The following LOXHD1 variants were observed in gnomAD, a reference collection of about 807,000 sequenced individuals.
LOXHD1 encodes lipoxygenase homology domain-containing protein 1.
LOXHD1 carries 205 observed loss-of-function variants against 248.2 expected under a neutral mutation model. That is an observed-to-expected ratio of 0.83 (90% CI 0.74 to 0.93). The LOEUF is 0.93. Ranked by LOEUF, LOXHD1 falls within the 40% of genes least tolerant of loss-of-function variation. The probability of loss-of-function intolerance (pLI) is 0.00; values close to 1 mark genes in which losing one functional copy is unlikely to be tolerated. For missense variants in LOXHD1, 2,930 were observed against 2,971.6 expected (o/e 0.99, Z 0.33); for synonymous variants, 1,113 against 1,162.8 (o/e 0.96, Z 0.87).
chr18:46,559,582 C>G lies in LOXHD1; in HGVS notation c.3082G>C (p.Val1028Leu). ...GPERNTYEVQ[V>L]VTGNVPKAGT... ...GCCTTGGGCACATTCCCCGTGACCA[C>G]CTGAACCTCATAGGTGTTTCCTGTA... Residue 1028 changes from valine (V) to leucine (L), a missense_variant, in exon 20 of 41, where the codon GTG becomes CTG. Coordinates refer to ENST00000642948, the MANE Select transcript of LOXHD1 (RefSeq NM_001384474.1). 6.4e-7 allele frequency: 1 copy of G among 1,551,844 alleles called. No homozygotes were observed. The highest frequency in any genetic ancestry group is 8.7e-7 in the Non-Finnish European group (1 of 1,147,020).
At chr18:46,594,131 C>T (rs1179870034) in intron 9 of LOXHD1, among the ~76,000 whole-genome samples, 200 bp downstream of exon 9, 1 of 152,078 alleles carries the variant, frequency 6.6e-6, no homozygotes, top group East Asian at 1.9e-4. Context: ...GCCTTGGTGC[C>T]AGGGGTGTGA....
intron 15 of LOXHD1, among the ~76,000 whole-genome samples, chr18:46,571,298 T>C (rs564027287): frequency 6.6e-6 from 1 of 151,818 alleles, no homozygotes; most frequent in East Asian, 1.9e-4. Flanking sequence ...AGAGACCCCA[T>C]CTGTAGAAAA....
chr18:46,526,457 A>G (rs1452456711), intron 29 of LOXHD1, among the ~76,000 whole-genome samples: 2 of 152,252 alleles, frequency 1.3e-5, no homozygotes, highest in Admixed American at 6.5e-5. Flanking sequence ...TATAACAGTA[A>G]TACCACGGAA....
At chr18:46,490,173 G>A (rs1205925430) in intron 37 of LOXHD1, among the ~76,000 whole-genome samples, 1 of 152,180 alleles carries the variant, frequency 6.6e-6, no homozygotes, top group African/African-American at 2.4e-5. Flanking sequence ...CAGGCAGGAG[G>A]ATATCCCAGT....
In LOXHD1 at chr18:46,605,492, C is replaced by T. The variant is rs558511939; in HGVS notation, c.760-1263G>A. Among the ~76,000 whole-genome samples the T allele has an allele frequency of 9.2e-5, 14 of 151,824 alleles. No individual in the cohort carries two copies. The East Asian group carries it at 1.2e-3, about 13-fold the overall frequency. On this transcript the variant is annotated intron_variant, in intron 6 of 40. Transcript: ENST00000642948. ...TCGTGCCACTGTACTCCAGTCTGGGCGATAGTGCAAGACTCCATCTCAAAA... is the reference window on the plus strand; with the variant it reads ...TCGTGCCACTGTACTCCAGTCTGGGTGATAGTGCAAGACTCCATCTCAAAA...
intron 4 of LOXHD1, among the ~76,000 whole-genome samples, chr18:46,631,339 C>T (rs2038819573): frequency 6.6e-6 from 1 of 152,218 alleles, no homozygotes; most frequent in Non-Finnish European, 1.5e-5. Flanking sequence ...CTTGGTGGCT[C>T]ATCTTGGTGG....
chr18:46,648,836 G>T (rs961997654), intron 2 of LOXHD1, among the ~76,000 whole-genome samples: 66 of 152,278 alleles, frequency 4.3e-4, no homozygotes, highest in African/African-American at 1.5e-3. Context: ...GGAAACCAAG[G>T]CCCCGAGTGC....
chr18:46,487,184 G>A (rs2143592458), intron 38 of LOXHD1, among the ~76,000 whole-genome samples: 1 of 152,234 alleles, frequency 6.6e-6, no homozygotes, highest in East Asian at 1.9e-4. Flanking sequence ...TAGCATAAAG[G>A]GGCCACCAGC....
At chr18:46,491,957 C>A (rs2033513249) in intron 37 of LOXHD1, among the ~76,000 whole-genome samples, 1 of 152,216 alleles carries the variant, frequency 6.6e-6, no homozygotes, top group African/African-American at 2.4e-5. Context: ...ACCCCATCCA[C>A]AATTTTCAAA....
chr18:46,578,011 T>G, intron 13 of LOXHD1, 144 bp from the exon 14 acceptor site: 1 of 785,718 alleles, frequency 1.3e-6, no homozygotes, highest in Non-Finnish European at 2.0e-6. Context: ...AGGAGCTACC[T>G]ATAAAGCACA....
At chr18:46,576,614 G>A (rs1156516820) in intron 14 of LOXHD1, among the ~76,000 whole-genome samples, 3 of 152,182 alleles carry the variant, frequency 2.0e-5, no homozygotes, top group African/African-American at 7.2e-5. Flanking sequence ...CACTCACTTG[G>A]AGCTGCCTGC....
At chr18:46,531,379 T>C (rs1174097289) in intron 28 of LOXHD1, among the ~76,000 whole-genome samples, 1 of 152,228 alleles carries the variant, frequency 6.6e-6, no homozygotes, top group Non-Finnish European at 1.5e-5. Context: ...AAACTTGTCA[T>C]AGTTTAGACA....
intron 8 of LOXHD1, among the ~76,000 whole-genome samples, chr18:46,599,768 A>C (rs2038307711): frequency 6.6e-6 from 1 of 152,180 alleles, no homozygotes. Flanking sequence ...ATGAACAGAC[A>C]TTTTACATAA....
At chr18:46,483,174 C>G (rs1568070375) in intron 40 of LOXHD1, among the ~76,000 whole-genome samples, 1 of 152,176 alleles carries the variant, frequency 6.6e-6, no homozygotes, top group Non-Finnish European at 1.5e-5. Context: ...GGTCCCTACT[C>G]TGCCCACATG....
intron 2 of LOXHD1, among the ~76,000 whole-genome samples, chr18:46,646,549 C>T (rs185974176): frequency 5.3e-5 from 8 of 152,278 alleles, no homozygotes; most frequent in Admixed American, 5.2e-4. Context: ...GTTGAAACTC[C>T]ACCGGTCAGC....
At chr18:46,485,451 C>T (rs1243449270) in intron 38 of LOXHD1, among the ~76,000 whole-genome samples, 2 of 152,022 alleles carry the variant, frequency 1.3e-5, no homozygotes, top group Non-Finnish European at 2.9e-5. Flanking sequence ...GGGTGAGATG[C>T]AAAATGGAGA....
At chr18:46,637,160 G>A (rs930565043) in intron 4 of LOXHD1, among the ~76,000 whole-genome samples, 9 of 151,448 alleles carry the variant, frequency 5.9e-5, no homozygotes, top group Non-Finnish European at 1.2e-4. Context: ...ACAAAAACAG[G>A]AAACAAACAA....
At chr18:46,596,005 G>A (rs2038251657) in intron 8 of LOXHD1, among the ~76,000 whole-genome samples, 1 of 152,022 alleles carries the variant, frequency 6.6e-6, no homozygotes, top group Non-Finnish European at 1.5e-5. Flanking sequence ...AAAAGTTCTG[G>A]TTCTAGAAGG....
At chr18:46,502,603 A>G (rs377524112) in intron 37 of LOXHD1, among the ~76,000 whole-genome samples, 6 of 152,152 alleles carry the variant, frequency 3.9e-5, no homozygotes, top group East Asian at 3.9e-4. Context: ...AGTTGAGAGA[A>G]GCCAGAGAAG....
Sources: gnomAD v4.1 joint callset for allele counts (sites outside exome capture counted in the v4.1 genomes callset) on GRCh38, gnomAD v4.1.1 for gene constraint, MANE v1.5 for transcripts, NCBI Gene and HGNC (gene_info 2026-07-23, HGNC 2026-07-21) for gene names.